POU2F3: variants seen among roughly 807,000 people sequenced by gnomAD.
POU2F3 encodes the protein POU domain, class 2, transcription factor 3.
POU2F3 carries 23 observed loss-of-function variants against 59.2 expected under a neutral mutation model. The ratio of observed to expected loss-of-function variants is 0.39; its 90% CI spans 0.28 to 0.55. The LOEUF is 0.55. Among genes scored for constraint, POU2F3 ranks in the 20% least tolerant of loss-of-function variants. The pLI is 0.66. For synonymous variants in POU2F3, 190 were observed against 214.6 expected, an observed-to-expected ratio of 0.89 and a Z score of 1.00; for missense variants, 473 against 544.5, an observed-to-expected ratio of 0.87 and a Z score of 1.31.
chr11:120,312,131 T>C (rs1179517991), intron 10 of POU2F3, among the ~76,000 whole-genome samples: 1 of 152,204 alleles, frequency 6.6e-6, no homozygotes, highest in Non-Finnish European at 1.5e-5. Context: ...TATTTATTTT[T>C]ATTTTTTTTG....
intron 2 of POU2F3, among the ~76,000 whole-genome samples, chr11:120,254,663 G>A (rs957349175): frequency 2.0e-5 from 3 of 152,212 alleles, no homozygotes; most frequent in African/African-American, 7.2e-5. Context: ...GTACTTAAAA[G>A]GAAAGCGGCA....
chr11:120,260,493 T>C (rs1480502101), intron 2 of POU2F3, among the ~76,000 whole-genome samples: 2 of 152,222 alleles, frequency 1.3e-5, no homozygotes, highest in Non-Finnish European at 2.9e-5. Flanking sequence ...TCTGCAGCAC[T>C]TCATTGGGTA....
At chr11:120,249,690 G>A (rs1231110402) in intron 2 of POU2F3, 2 of 152,126 alleles carry the variant, frequency 1.3e-5, no homozygotes, top group East Asian at 1.9e-4. Context: ...TCAATCACAA[G>A]GGAGGAAAGA....
intron 3 of POU2F3, among the ~76,000 whole-genome samples, chr11:120,271,788 G>T (rs1316800473): frequency 6.6e-6 from 1 of 152,188 alleles, no homozygotes; most frequent in African/African-American, 2.4e-5. Context: ...GCTGGAGTTT[G>T]TTTCCCTTGG....
chr11:120,304,232 G>A (rs1258602820), intron 6 of POU2F3: 2 of 151,446 alleles, frequency 1.3e-5, no homozygotes, highest in South Asian at 2.1e-4. Context: ...TCAGGAGCCT[G>A]AGGCAGGAGA....
intron 2 of POU2F3, among the ~76,000 whole-genome samples, chr11:120,253,262 A>ATTT (rs34929989): frequency 2.1e-5 from 3 of 143,666 alleles, no homozygotes; most frequent in Admixed American, 6.9e-5. Context: ...AACATTTTTA[A>ATTT]TTTTTTTTTT....
At chr11:120,313,477 A>T (rs1053494817) in intron 10 of POU2F3, among the ~76,000 whole-genome samples, 7 of 152,192 alleles carry the variant, frequency 4.6e-5, no homozygotes, top group Non-Finnish European at 8.8e-5. Context: ...AAATTTTCTG[A>T]TCCTATCTTT....
chr11:120,300,815 C>T, intron 5 of POU2F3: 1 of 316,870 alleles, frequency 3.2e-6, no homozygotes, highest in Non-Finnish European at 6.2e-6. Flanking sequence ...TTGCACAAAT[C>T]CCAAGTAGAG....
chr11:120,269,119 C>A, intron 2 of POU2F3, 91 bp from the exon 3 acceptor site: 1 of 978,412 alleles, frequency 1.0e-6, no homozygotes, highest in Non-Finnish European at 1.6e-6. Context: ...AAAATAGAGC[C>A]ACACGCCTCT....
At chr11:120,242,754 C>G (rs1348061834) in intron 1 of POU2F3, among the ~76,000 whole-genome samples, 2 of 152,168 alleles carry the variant, frequency 1.3e-5, no homozygotes, top group Non-Finnish European at 2.9e-5. Flanking sequence ...CTGCCTGGAG[C>G]CTTCGCACCT....
At chr11:120,299,492 G>A in intron 4 of POU2F3, 132 bp from the exon 5 acceptor site, 3 of 663,534 alleles carry the variant, frequency 4.5e-6, no homozygotes, top group Non-Finnish European at 7.7e-6. Context: ...GGGATACACA[G>A]TGGCATAAAC....
intron 2 of POU2F3, among the ~76,000 whole-genome samples, chr11:120,251,174 A>G (rs759750674): frequency 6.6e-6 from 1 of 152,138 alleles, no homozygotes; most frequent in Non-Finnish European, 1.5e-5. Context: ...GGATCTTGCT[A>G]TGTTGCCCAA....
intron 3 of POU2F3, among the ~76,000 whole-genome samples, chr11:120,270,887 T>A (rs1940039530): frequency 6.6e-6 from 1 of 151,902 alleles, no homozygotes. Flanking sequence ...AGAGATGGGG[T>A]TTTGCCACCT....
At chr11:120,246,418 G>C (rs572385493) in intron 1 of POU2F3, 31 bp from the exon 2 acceptor site, 14 of 1,611,322 alleles carry the variant, frequency 8.7e-6, no homozygotes, top group African/African-American at 8.0e-5. Context: ...ATTGTGACCT[G>C]TTATTAAAAT....
chr11:120,309,587 G>A lies in POU2F3; in HGVS notation c.1068+1G>A, dbSNP rs1941599521. The A allele has an allele frequency of 6.2e-7, 1 of 1,612,494 alleles. No individual in the cohort carries two copies. Among genetic ancestry groups the A allele is most frequent in the Non-Finnish European group, 8.5e-7 (1 of 1,178,724 alleles). On this transcript the variant is annotated splice_donor_variant, in intron 10 of 12. Transcript: ENST00000543440. LOFTEE classifies it high-confidence loss of function. ...ACCACCTGTCTACAACTCCCGGCTG[G>A]TGAGTGGCCAGGAACCAAGCTGTCT...
intron 2 of POU2F3, chr11:120,258,954 G>A (rs1488363023): frequency 6.6e-6 from 1 of 152,178 alleles, no homozygotes; most frequent in Non-Finnish European, 1.5e-5. Flanking sequence ...ATTTCCTAAC[G>A]AACAAAGAGA....
chr11:120,244,527 G>A (rs1040874268), intron 1 of POU2F3, among the ~76,000 whole-genome samples: 4 of 152,182 alleles, frequency 2.6e-5, no homozygotes, highest in Non-Finnish European at 5.9e-5. Flanking sequence ...AGTTAGTGAT[G>A]GCATTGAGAT....
At chr11:120,290,389 C>T (rs1305178557) in intron 3 of POU2F3, among the ~76,000 whole-genome samples, 1 of 152,172 alleles carries the variant, frequency 6.6e-6, no homozygotes, top group Non-Finnish European at 1.5e-5. Flanking sequence ...CCCAACTGTG[C>T]ACCATACATA....
At chr11:120,256,310 G>T (rs1939342402) in intron 2 of POU2F3, 2 of 152,308 alleles carry the variant, frequency 1.3e-5, no homozygotes, top group Non-Finnish European at 1.5e-5. Context: ...CTACCTCATA[G>T]TGCTGCTGTG....
Sources: gnomAD v4.1 joint callset for allele counts (sites outside exome capture counted in the v4.1 genomes callset) on GRCh38, gnomAD v4.1.1 for gene constraint, MANE v1.5 for transcripts, NCBI Gene and HGNC (gene_info 2026-07-23, HGNC 2026-07-21) for gene names.